UBAP2: variants seen among roughly 807,000 people sequenced by gnomAD.
UBAP2 encodes ubiquitin-associated protein 2.
UBAP2 carries 75 observed loss-of-function variants against 139.6 expected under a neutral mutation model. The observed-to-expected ratio is 0.54, with a 90% CI of 0.45 to 0.65. The LOEUF (loss-of-function observed/expected upper bound fraction) is 0.65. UBAP2 is among the 30% of genes least tolerant of loss of function. UBAP2 has a pLI of 0.00. For missense variants in UBAP2, 1,368 were observed against 1,369.6 expected, an observed-to-expected ratio of 1.00 and a Z score of 0.02; for synonymous variants, 526 against 526.2, an observed-to-expected ratio of 1.00 and a Z score of 0.01.
chr9:34,043,710 G>A (rs1827297690), intron 1 of UBAP2, among the ~76,000 whole-genome samples: 2 of 151,600 alleles, frequency 1.3e-5, no homozygotes, highest in South Asian at 2.1e-4. Flanking sequence ...TGCCCACGCT[G>A]GTCTCGAACT....
chr9:34,015,618 C>T (rs960716327), intron 2 of UBAP2, among the ~76,000 whole-genome samples: 14 of 151,836 alleles, frequency 9.2e-5, no homozygotes, highest in African/African-American at 2.7e-4. Context: ...TGAGCCACTG[C>T]GCCCGGCCTC....
chr9:33,923,694 G>A (rs1364920789), intron 24 of UBAP2, 101 bp downstream of exon 24: 2 of 1,295,574 alleles, frequency 1.5e-6, no homozygotes, highest in Admixed American at 1.7e-5. Context: ...AAGACGGAGT[G>A]GAATCACAAC....
intron 11 of UBAP2, 41 bp from the exon 12 acceptor site, chr9:33,953,515 A>G: frequency 1.9e-6 from 3 of 1,566,272 alleles, no homozygotes; most frequent in Non-Finnish European, 2.6e-6. Flanking sequence ...TCATAAGCAA[A>G]TCTTACCAAC....
intron 12 of UBAP2, 148 bp downstream of exon 12, chr9:33,953,137 G>C: frequency 2.7e-6 from 2 of 741,764 alleles, no homozygotes; most frequent in Non-Finnish European, 4.1e-6. Context: ...CCAAAGTGCT[G>C]GGATTACAGG....
At chr9:33,943,237 T>C (rs1825383726) in intron 15 of UBAP2, among the ~76,000 whole-genome samples, 183 bp downstream of exon 15, 1 of 152,178 alleles carries the variant, frequency 6.6e-6, no homozygotes, top group African/African-American at 2.4e-5. Context: ...GATTATTGGT[T>C]GCTAAGGGGC....
chr9:33,961,772 C>T (rs973454598), intron 9 of UBAP2, among the ~76,000 whole-genome samples: 1 of 152,180 alleles, frequency 6.6e-6, no homozygotes, highest in Admixed American at 6.5e-5. Context: ...AGAGGAGGAG[C>T]ATGCTTGTGA....
At chr9:33,986,906 C>A in intron 5 of UBAP2, 69 bp from the exon 6 acceptor site, 2 of 1,351,844 alleles carry the variant, frequency 1.5e-6, no homozygotes, top group Non-Finnish European at 1.1e-6. Flanking sequence ...TTATCAAGCA[C>A]CTATTAAAGG....
chr9:33,998,821 T>G lies in UBAP2; in HGVS notation c.143A>C (p.Lys48Thr). Residue 48 changes from lysine to threonine, a missense_variant, in exon 3 of 29, where the codon AAG becomes ACG. Lys to Thr is a moderately conservative substitution (Grantham distance 78). Transcript: ENST00000379238. ...QMRLAQVIFD[K>T]NDSDFEAKVK... ...TTTAGCTTCAAAATCTGAATCATTC[T>G]TATCAAAGATCACTTGAGCGAGACG... 6.2e-7 allele frequency: 1 copy of G among 1,612,468 alleles called. No individual in the cohort carries two copies. Among genetic ancestry groups the G allele is most frequent in the Non-Finnish European group, 8.5e-7 (1 of 1,179,844 alleles).
chr9:33,950,780 G>A (rs532272055), intron 12 of UBAP2, among the ~76,000 whole-genome samples: 5 of 152,196 alleles, frequency 3.3e-5, no homozygotes, highest in Non-Finnish European at 5.9e-5. Context: ...ACAACACAGC[G>A]AAATCACTGA....
chr9:33,938,644 A>C (rs1330109643), intron 16 of UBAP2, among the ~76,000 whole-genome samples: 1 of 152,048 alleles, frequency 6.6e-6, no homozygotes, highest in African/African-American at 2.4e-5. Flanking sequence ...TAAAAATACA[A>C]AAATTAGCCA....
chr9:33,995,457 A>AAT (rs1491124570), intron 4 of UBAP2: 1 of 138,800 alleles, frequency 7.2e-6, no homozygotes, highest in Non-Finnish European at 1.5e-5. Flanking sequence ...TATTATATAT[A>AAT]ATATATATTA....
At chr9:34,030,208 G>A (rs184924552) in intron 1 of UBAP2, among the ~76,000 whole-genome samples, 86 of 152,194 alleles carry the variant, frequency 5.7e-4, no homozygotes, top group African/African-American at 1.9e-3. Context: ...CACTTTGGGA[G>A]GCTGAGGCGG....
intron 2 of UBAP2, among the ~76,000 whole-genome samples, chr9:34,009,520 A>G (rs2131243726): frequency 6.6e-6 from 1 of 152,090 alleles, no homozygotes; most frequent in Admixed American, 6.6e-5. Context: ...TCAGCCTCCC[A>G]AAGTGTTGAG....
At chr9:34,000,988 T>C (rs528484203) in intron 2 of UBAP2, among the ~76,000 whole-genome samples, 3 of 152,350 alleles carry the variant, frequency 2.0e-5, no homozygotes, top group African/African-American at 7.2e-5. Context: ...ACCTTACATA[T>C]ACTCTCACTA....
intron 12 of UBAP2, among the ~76,000 whole-genome samples, chr9:33,951,619 T>C (rs1826117771): frequency 6.6e-6 from 1 of 152,084 alleles, no homozygotes; most frequent in South Asian, 2.1e-4. Context: ...AGTGCTGGAA[T>C]AACAGGTGTG....
intron 10 of UBAP2, among the ~76,000 whole-genome samples, chr9:33,959,387 A>T (rs1005514007): frequency 3.9e-5 from 6 of 152,238 alleles, no homozygotes; most frequent in Non-Finnish European, 5.9e-5. Flanking sequence ...ATGGAGACAG[A>T]GAAAAAGACA....
At position 33,990,637 on chromosome 9, in the gene UBAP2, A is replaced by ATTTT. The variant is rs35851905; in HGVS notation, c.289-1515_289-1512dup. Among the ~76,000 whole-genome samples the ATTTT allele has an allele frequency of 8.4e-4, 112 of 132,630 alleles. 4 individuals are homozygous for ATTTT. The highest frequency in any genetic ancestry group is 2.0e-3 in the African/African-American group (69 of 35,168). 87.0% of individuals were successfully genotyped at this position (132,630 alleles called of 152,430 possible). A position where few individuals can be genotyped will look rare whatever the true frequency, so the allele number is the denominator to read the frequency against. On this transcript the variant is annotated intron_variant, in intron 4 of 28. Transcript: ENST00000379238. Reference sequence around the variant, plus strand: ...GGTTACTTAGAAATAGTACCCCCCAATTTTTTTTTTTTTTTTGAGACAGAG... The same window carrying ATTTT: ...GGTTACTTAGAAATAGTACCCCCCAATTTTTTTTTTTTTTTTTTTTGAGACAGAG...
chr9:33,946,475 G>A (rs1018264478), intron 13 of UBAP2, among the ~76,000 whole-genome samples: 1 of 152,150 alleles, frequency 6.6e-6, no homozygotes, highest in African/African-American at 2.4e-5. Context: ...TTTTAATAAA[G>A]CGTTTTTTCA....
In UBAP2 at chr9:34,038,140, T is replaced by TG. The variant is rs202162819; in HGVS notation, c.-42+10684dup. On this transcript the variant is annotated intron_variant, in intron 1 of 28. Transcript: ENST00000379238. ...AGGATTGCACCACTGCACTCCAGCCTGGGAAAAAAAAAAAAAAAAAAAAAA... is the reference window on the plus strand; with the variant it reads ...AGGATTGCACCACTGCACTCCAGCCTGGGGAAAAAAAAAAAAAAAAAAAAAA... 1.1e-4 allele frequency among the ~76,000 whole-genome samples: 5 copies of TG among 46,640 alleles called. 1 individual carries two copies. The highest frequency in any genetic ancestry group is 3.3e-4 in the African/African-American group (4 of 12,004). 30.6% of individuals were successfully genotyped at this position (46,640 alleles called of 152,430 possible).
Sources: gnomAD v4.1 joint callset for allele counts (sites outside exome capture counted in the v4.1 genomes callset) on GRCh38, gnomAD v4.1.1 for gene constraint, MANE v1.5 for transcripts, NCBI Gene and HGNC (gene_info 2026-07-23, HGNC 2026-07-21) for gene names.